The following PDZD8 variants were observed in gnomAD, a reference collection of about 807,000 sequenced individuals.
PDZD8 encodes the protein PDZ domain containing 8, also known as PDZ domain-containing protein 8.
In PDZD8, 14 loss-of-function variants were observed where a neutral mutation model predicts 85.8. The ratio of observed to expected loss-of-function variants is 0.16; its 90% CI spans 0.11 to 0.26. The LOEUF (loss-of-function observed/expected upper bound fraction) is 0.26. Ranked by LOEUF, PDZD8 falls within the 10% of genes least tolerant of loss-of-function variation. PDZD8 has a pLI of 1.00. For missense variants in PDZD8, 1,197 were observed against 1,424.3 expected (o/e 0.84, Z 2.57); for synonymous variants, 592 against 568.6 (o/e 1.04, Z -0.59).
At chr10:117,333,230 GCAAGTAA>G (rs1452784450) in intron 2 of PDZD8, among the ~76,000 whole-genome samples, 1 of 151,610 alleles carries the variant, frequency 6.6e-6, no homozygotes. Context: ...GTGGTACTGA[GCAAGTAA>G]CTTGTGGATC....
chr10:117,319,410 C>T (rs976362584), intron 2 of PDZD8, among the ~76,000 whole-genome samples: 14 of 78,336 alleles, frequency 1.8e-4, no homozygotes, highest in African/African-American at 4.8e-4. Flanking sequence ...CACACACACA[C>T]ACACACACAC....
At chr10:117,307,540 T>C (rs2133791691) in intron 3 of PDZD8, among the ~76,000 whole-genome samples, 1 of 152,176 alleles carries the variant, frequency 6.6e-6, no homozygotes, top group East Asian at 1.9e-4. Context: ...AAAAATATAA[T>C]GAATTATCCA....
chr10:117,314,000 A>T (rs1049663280), intron 3 of PDZD8, among the ~76,000 whole-genome samples: 1 of 152,188 alleles, frequency 6.6e-6, no homozygotes, highest in Non-Finnish European at 1.5e-5. Flanking sequence ...AATTATTTGA[A>T]TACCATTCAC....
At chr10:117,338,437 A>G (rs930541706) in intron 2 of PDZD8, among the ~76,000 whole-genome samples, 7 of 152,342 alleles carry the variant, frequency 4.6e-5, no homozygotes, top group Admixed American at 4.6e-4. Flanking sequence ...AACTTCAGAT[A>G]TTAAAAAAAC....
Position 117,345,330 on chromosome 10 carries a change from A to G in PDZD8, c.873-4228T>C, listed in dbSNP as rs568304989. 4.6e-5 allele frequency among the ~76,000 whole-genome samples: 7 copies of G among 152,292 alleles called. No individual in the cohort carries two copies. In the South Asian group the frequency reaches 1.4e-3, roughly 32 times the overall value. Reference sequence around the variant, plus strand: ...CCCTAGTAGAGAAACAGGAAATAAGACAGCTGGGAGGAGCCCTCCTGGGGT... The same window carrying G: ...CCCTAGTAGAGAAACAGGAAATAAGGCAGCTGGGAGGAGCCCTCCTGGGGT... On this transcript the variant is annotated intron_variant, in intron 1 of 4. Transcript: ENST00000334464.
intron 1 of PDZD8, among the ~76,000 whole-genome samples, chr10:117,368,851 GTTTT>G (rs3034161): frequency 3.0e-5 from 3 of 99,070 alleles, no homozygotes; most frequent in Non-Finnish European, 4.2e-5. Context: ...TATTGACAAT[GTTTT>G]TTTTTTTTTT....
chr10:117,361,721 T>C (rs987113898), intron 1 of PDZD8, among the ~76,000 whole-genome samples: 2 of 152,182 alleles, frequency 1.3e-5, no homozygotes, highest in South Asian at 2.1e-4. Context: ...TCCACGTCTA[T>C]GGGTTCTGCA....
At chr10:117,335,160 G>A (rs776135306) in intron 2 of PDZD8, among the ~76,000 whole-genome samples, 3 of 152,278 alleles carry the variant, frequency 2.0e-5, no homozygotes, top group African/African-American at 7.2e-5. Flanking sequence ...TGTTACATAT[G>A]GGGGAAGAAT....
chr10:117,324,232 A>AAAAGAC lies in PDZD8; in HGVS notation c.996-5259_996-5258insGTCTTT, dbSNP rs1278760915. Among the ~76,000 whole-genome samples the AAAAGAC allele has an allele frequency of 5.4e-3, 792 of 146,178 alleles. 39 individuals are homozygous for AAAAGAC. The highest frequency in any genetic ancestry group is 0.019 in the African/African-American group (710 of 37,286). ...TCAAAAAAAAAAAAAAAAAAAAAAA[A>AAAAGAC]AAGACAAGAGGCTACAGGACTGAGC... On this transcript the variant is annotated intron_variant, in intron 2 of 4. Transcript: ENST00000334464.
At position 117,341,010 on chromosome 10, in the gene PDZD8, C is replaced by T. The variant is rs1394754110; in HGVS notation, c.965G>A (p.Arg322His). The change falls in exon 2 of 5, where the codon CGT becomes CAT. Residue 322 changes from arginine (R) to histidine (H), a missense_variant. By Grantham distance (29) the Arg-to-His change is conservative. Coordinates refer to ENST00000334464, the MANE Select transcript of PDZD8 (RefSeq NM_173791.5). ...ACATTCTAACAACGTAACTTTAAGA[C>T]GGCCTTCAGTAAGTGCCCATTGTTG... is the stretch of plus-strand genomic sequence containing the variant. ...HIQQWALTEG[R>H]LKVTLLECSR... 3.8e-5 allele frequency: 61 copies of T among 1,613,898 alleles called. No homozygotes were observed. The East Asian group carries it at 9.1e-4, about 24-fold the overall frequency.
intron 2 of PDZD8, among the ~76,000 whole-genome samples, chr10:117,334,262 T>TTGAAGCTGGTGGGCTGGA (rs1367746844): frequency 2.0e-5 from 3 of 152,040 alleles, no homozygotes; most frequent in African/African-American, 7.2e-5. Flanking sequence ...CTTTGGGAGG[T>TTGAAGCTGGTGGGCTGGA]TGAAGCTGGT....
At chr10:117,286,468 C>A (rs560986510) in intron 4 of PDZD8, among the ~76,000 whole-genome samples, 2 of 152,298 alleles carry the variant, frequency 1.3e-5, no homozygotes, top group South Asian at 2.1e-4. Context: ...GTAACACCAC[C>A]CCTTTCTCAT....
At chr10:117,290,076 G>A in intron 4 of PDZD8, 110 bp downstream of exon 4, 1 of 871,706 alleles carries the variant, frequency 1.1e-6, no homozygotes, top group East Asian at 2.7e-5. Context: ...CATTATAAAA[G>A]TGACATATGC....
intron 1 of PDZD8, among the ~76,000 whole-genome samples, chr10:117,347,229 A>G (rs981455490): frequency 6.6e-6 from 1 of 152,132 alleles, no homozygotes; most frequent in African/African-American, 2.4e-5. Flanking sequence ...TAAGTCTGAT[A>G]AGAAACGTTT....
At chr10:117,362,213 G>C (rs572603812) in intron 1 of PDZD8, among the ~76,000 whole-genome samples, 4 of 152,150 alleles carry the variant, frequency 2.6e-5, no homozygotes, top group African/African-American at 9.6e-5. Context: ...AATATTTATT[G>C]GGTAAAGTTT....
At chr10:117,319,763 C>T (rs915539501) in intron 2 of PDZD8, among the ~76,000 whole-genome samples, 2 of 152,022 alleles carry the variant, frequency 1.3e-5, no homozygotes, top group African/African-American at 4.8e-5. Flanking sequence ...AAAGGTTACT[C>T]ATGGGTCCAA....
chr10:117,326,614 A>C (rs1844321388), intron 2 of PDZD8, among the ~76,000 whole-genome samples: 1 of 152,048 alleles, frequency 6.6e-6, no homozygotes, highest in East Asian at 1.9e-4. Flanking sequence ...ACATGACCTA[A>C]GAGATCCTTT....
intron 2 of PDZD8, among the ~76,000 whole-genome samples, chr10:117,328,082 A>G (rs948885990): frequency 1.3e-5 from 2 of 151,682 alleles, no homozygotes; most frequent in South Asian, 2.1e-4. Flanking sequence ...TATTTCTTGG[A>G]AAAAAAAATT....
chr10:117,283,780 A>G lies in PDZD8; in HGVS notation c.2953T>C (p.Cys985Arg). The change falls in exon 5 of 5, where the codon TGT becomes CGT. Residue 985 changes from cysteine (C) to arginine (R), a missense_variant. This residue lies in a region of PDZD8 where 418 missense variants were observed against 571.1 expected (regional missense o/e 0.73). Transcript: ENST00000334464. The part of the protein sequence containing the change: ...SDNEGSDTEV[C>R]GPNSPSKRGN... ...CGTTTAGAAGGACTGTTTGGACCACAGACCTCCGTGTCACTGCCTTCGTTG... is the reference window on the plus strand; with the variant it reads ...CGTTTAGAAGGACTGTTTGGACCACGGACCTCCGTGTCACTGCCTTCGTTG... 6.2e-7 allele frequency: 1 copy of G among 1,614,242 alleles called. No homozygotes were observed. The highest frequency in any genetic ancestry group is 8.5e-7 in the Non-Finnish European group (1 of 1,180,038).
Sources: gnomAD v4.1 joint callset for allele counts (sites outside exome capture counted in the v4.1 genomes callset) on GRCh38, gnomAD v4.1.1 for gene constraint, gnomAD v4.1.1 regional missense constraint, MANE v1.5 for transcripts, NCBI Gene and HGNC (gene_info 2026-07-23, HGNC 2026-07-21) for gene names.